The following PLIN3 variants were observed in gnomAD, a reference collection of about 807,000 sequenced individuals.
PLIN3 encodes perilipin-3.
A neutral mutation model predicts 35.9 loss-of-function variants in PLIN3; 30 were observed. The observed-to-expected ratio is 0.84, with a 90% CI of 0.62 to 1.13. The LOEUF is 1.13. Ranked by LOEUF, PLIN3 falls within the 50% of genes most tolerant of loss-of-function variation. The pLI is 0.00. For synonymous variants in PLIN3, 261 were observed against 262.5 expected, an observed-to-expected ratio of 0.99 and a Z score of 0.06; for missense variants, 603 against 596.9, an observed-to-expected ratio of 1.01 and a Z score of -0.11.
intron 1 of PLIN3, among the ~76,000 whole-genome samples, chr19:4,862,869 A>G (rs528846716): frequency 1.3e-5 from 2 of 152,240 alleles, no homozygotes; most frequent in East Asian, 1.9e-4. Flanking sequence ...TAAGAAAACA[A>G]CAAGTGTGGC....
chr19:4,853,375 G>C (rs1176191330), intron 4 of PLIN3, among the ~76,000 whole-genome samples: 1 of 151,776 alleles, frequency 6.6e-6, no homozygotes, highest in Non-Finnish European at 1.5e-5. Context: ...GCCCAGGCTA[G>C]AGTGCAATGG....
chr19:4,856,179 A>G (rs1353294594), intron 4 of PLIN3, among the ~76,000 whole-genome samples: 1 of 152,112 alleles, frequency 6.6e-6, no homozygotes, highest in Non-Finnish European at 1.5e-5. Context: ...CTGATGCTAC[A>G]GACCCAGACA....
intron 1 of PLIN3, among the ~76,000 whole-genome samples, chr19:4,865,028 A>C (rs1398681097): frequency 6.6e-6 from 1 of 151,936 alleles, no homozygotes; most frequent in Non-Finnish European, 1.5e-5. Flanking sequence ...TGTCTCTACT[A>C]AAAATACAAA....
rs114447983 is a variant in PLIN3 at position 4,866,422 on chromosome 19, G to A, written c.-18+1187C>T. 7.6e-3 allele frequency among the ~76,000 whole-genome samples: 1,151 copies of A among 152,262 alleles called. 21 individuals carry two copies. Among genetic ancestry groups the A allele is most frequent in the African/African-American group, 0.026 (1,096 of 41,564 alleles). ...TGCCACATCTGTGAAATGTGTATAA[G>A]TGTTTCACAAGAGCCTGGAGTCCCT... On this transcript the variant is annotated intron_variant, in intron 1 of 7. Coordinates refer to ENST00000221957, the MANE Select transcript of PLIN3 (RefSeq NM_005817.5).
chr19:4,839,097 G>A lies in PLIN3; in HGVS notation c.*95C>T. 2.0e-6 allele frequency: 2 copies of A among 1,008,006 alleles called. No homozygotes were observed. The highest frequency in any genetic ancestry group is 3.1e-5 in the South Asian group (2 of 63,660). 62.4% of individuals were successfully genotyped at this position (1,008,006 alleles called of 1,614,324 possible). ...ACAGCACAGAAGAGCTGGGAGGAGT[G>A]GCTAGAAAATAAGTTTGAAATGAGC... On this transcript the variant is annotated 3_prime_UTR_variant, in exon 8 of 8. Transcript: ENST00000221957.
chr19:4,857,913 T>C (rs1364885231), intron 4 of PLIN3, among the ~76,000 whole-genome samples: 2 of 140,730 alleles, frequency 1.4e-5, no homozygotes, highest in Admixed American at 7.2e-5. Flanking sequence ...GAGGTGGAGG[T>C]TGCAGTGAGC....
At chr19:4,842,995 C>A (rs375270862) in intron 7 of PLIN3, among the ~76,000 whole-genome samples, 2 of 151,722 alleles carry the variant, frequency 1.3e-5, no homozygotes, top group Non-Finnish European at 2.9e-5. Context: ...CCGATGTGGG[C>A]GGATCACCTG....
At position 4,852,128 on chromosome 19, in the gene PLIN3, T is replaced by C. The variant is rs572114830; in HGVS notation, c.522A>G (p.Gln174=). 1.5e-5 allele frequency: 24 copies of C among 1,614,076 alleles called. No homozygotes were observed. Among genetic ancestry groups the C allele is most frequent in the African/African-American group, 1.3e-4 (10 of 75,036 alleles). The part of the protein sequence containing the change: ...KTKSVVTGGV[Q]SVMGSRLGQM... ...GGCCCAAGCGGGAGCCCATGACCGA[T>C]TGGACGCCGCCGGTCACTACGGACT... The change falls in exon 5 of 8, where the codon CAA becomes CAG. Residue 174 remains glutamine, a synonymous_variant. Coordinates refer to ENST00000221957, the MANE Select transcript of PLIN3 (RefSeq NM_005817.5).
At chr19:4,839,908 G>A (rs1288428545) in intron 7 of PLIN3, among the ~76,000 whole-genome samples, 6 of 150,702 alleles carry the variant, frequency 4.0e-5, no homozygotes, top group Admixed American at 2.7e-4. Context: ...CTCGTGATCC[G>A]CCTGCCTTGG....
rs1306537996 is a variant in PLIN3 at position 4,846,041 on chromosome 19, T to C, written c.835-1248A>G. On this transcript the variant is annotated intron_variant, in intron 6 of 7. Coordinates refer to ENST00000221957, the MANE Select transcript of PLIN3 (RefSeq NM_005817.5). ...AGATCAAGACCATCCTGGCTAACAC[T>C]GTGAAACCCCATCTCTACTAAAAAT... 3.4e-5 allele frequency among the ~76,000 whole-genome samples: 5 copies of C among 148,244 alleles called. No homozygotes were observed. The South Asian group carries it at 1.1e-3, about 32-fold the overall frequency.
chr19:4,841,426 G>A (rs1457771757), intron 7 of PLIN3, among the ~76,000 whole-genome samples: 1 of 152,108 alleles, frequency 6.6e-6, no homozygotes, highest in Non-Finnish European at 1.5e-5. Context: ...CCAGAGACAG[G>A]AGGGGATACG....
At chr19:4,851,882 A>T in intron 5 of PLIN3, 134 bp downstream of exon 5, 1 of 923,032 alleles carries the variant, frequency 1.1e-6, no homozygotes, top group Admixed American at 2.4e-5. Context: ...TAGTGATGAG[A>T]TTCCAAGATG....
chr19:4,863,335 T>C (rs1016999810), intron 1 of PLIN3, among the ~76,000 whole-genome samples: 1 of 147,278 alleles, frequency 6.8e-6, no homozygotes, highest in African/African-American at 2.5e-5. Flanking sequence ...CCATCTCTAC[T>C]AAAAATATAA....
At chr19:4,845,788 G>A (rs978032794) in intron 6 of PLIN3, among the ~76,000 whole-genome samples, 2 of 150,304 alleles carry the variant, frequency 1.3e-5, no homozygotes, top group African/African-American at 4.9e-5. Context: ...GCCCAGCGTG[G>A]TGGTGGGCGC....
At chr19:4,850,984 C>G (rs1038641741) in intron 5 of PLIN3, among the ~76,000 whole-genome samples, 1 of 151,918 alleles carries the variant, frequency 6.6e-6, no homozygotes, top group Non-Finnish European at 1.5e-5. Flanking sequence ...AGAGGGAGAC[C>G]CCGTCTTTAC....
rs1413748787 is a variant in PLIN3, at chr19:4,861,524, C to A, written c.-17-113G>T. 2.6e-5 allele frequency: 18 copies of A among 696,292 alleles called. No homozygotes were observed. In the East Asian group the frequency reaches 4.7e-4, roughly 18 times the overall value. The allele number at this position is 696,292 out of a possible 1,614,324, so 43.1% of individuals were successfully genotyped here. A position where few individuals can be genotyped will look rare whatever the true frequency, so the allele number is the denominator to read the frequency against. On this transcript the variant is annotated intron_variant, in intron 1 of 7. Coordinates refer to ENST00000221957, the MANE Select transcript of PLIN3 (RefSeq NM_005817.5). ...GTTCACACCTGCCCATGACTTACAG[C>A]TGTGTCTTTCAGTCCTTAGCAGGCA...
chr19:4,849,299 T>C (rs2030208084), intron 5 of PLIN3, among the ~76,000 whole-genome samples: 1 of 151,912 alleles, frequency 6.6e-6, no homozygotes. Context: ...TGTTTAGATC[T>C]GTTTGTTTTG....
intron 7 of PLIN3, among the ~76,000 whole-genome samples, chr19:4,841,814 A>G (rs1410646074): frequency 6.9e-6 from 1 of 145,678 alleles, no homozygotes; most frequent in African/African-American, 2.5e-5. Context: ...CTGAGGCAGG[A>G]GAATGGCGTG....
rs763293205 is a variant in PLIN3, at chr19:4,859,679, A to G, written c.266-7T>C. 1.9e-6 allele frequency: 3 copies of G among 1,613,426 alleles called. No homozygotes were observed. The Admixed American group carries it at 5.0e-5, about 27-fold the overall frequency. On this transcript the variant is annotated splice_region_variant and splice_polypyrimidine_tract_variant and intron_variant, in intron 3 of 7. Transcript: ENST00000221957. ...TATTCGCTGGCTGATGCAACTGCCA[A>G]CAACAATTAAGACGCAAATGTGACT... is the stretch of plus-strand genomic sequence containing the variant.
Sources: allele counts gnomAD v4.1 joint callset (sites outside exome capture counted in the v4.1 genomes callset), GRCh38; gene constraint gnomAD v4.1.1; transcripts MANE v1.5; gene names NCBI Gene and HGNC (gene_info 2026-07-23, HGNC 2026-07-21).